Variants in TTC19 observed in about 807,000 individuals in gnomAD.
TTC19 encodes the protein tetratricopeptide repeat domain 19.
TTC19 carries 38 observed loss-of-function variants against 49.5 expected under a neutral mutation model. The ratio of observed to expected loss-of-function variants is 0.77; its 90% CI spans 0.59 to 1.01. TTC19 has a LOEUF of 1.01. Ranked by LOEUF, TTC19 falls within the 50% of genes least tolerant of loss-of-function variation. The pLI is 0.00. For missense variants in TTC19, 475 were observed against 477.7 expected, an observed-to-expected ratio of 0.99 and a Z score of 0.05; for synonymous variants, 204 against 185.2, an observed-to-expected ratio of 1.10 and a Z score of -0.83.
At chr17:16,032,922 TCTG>T (rs1239152012), downstream of TTC19, among the ~76,000 whole-genome samples, 1 of 152,188 alleles carries the variant, frequency 6.6e-6, no homozygotes. Context: ...ATGCAAGTCA[TCTG>T]CTGAATCTCA....
In TTC19 at chr17:15,999,907, G is replaced by A; in HGVS notation, c.59G>A (p.Arg20Gln). ...GRGFLRAAGR[R>Q]CRGCSARLLP... ...GGCTTCCTGCGGGCCGCGGGGCGGC[G>A]GTGCCGGGGCTGCTCCGCGCGCCTG... The change falls in exon 1 of 10, where the codon CGG becomes CAG. Residue 20 changes from arginine to glutamine, a missense_variant. Physicochemically the swap from Arg to Gln is conservative, Grantham distance 43. Transcript: ENST00000261647. 1 of 1,394,840 alleles carries A rather than the reference G, an allele frequency of 7.2e-7. No individual in the cohort carries two copies. Among genetic ancestry groups the A allele is most frequent in the Non-Finnish European group, 9.2e-7 (1 of 1,083,944 alleles). 86.4% of individuals were successfully genotyped at this position (1,394,840 alleles called of 1,614,324 possible). A position where few individuals can be genotyped will look rare whatever the true frequency, so the allele number is the denominator to read the frequency against.
intron 2 of TTC19, among the ~76,000 whole-genome samples, chr17:16,038,467 C>T (rs1267938275): frequency 2.0e-5 from 3 of 151,194 alleles, no homozygotes; most frequent in Admixed American, 6.6e-5. Context: ...GACAGGGTCT[C>T]ACTTTGTCAC....
At chr17:16,004,598 G>A (rs1434309753) in intron 6 of TTC19, among the ~76,000 whole-genome samples, 1 of 152,118 alleles carries the variant, frequency 6.6e-6, no homozygotes, top group Non-Finnish European at 1.5e-5. Flanking sequence ...AGCTGCTGGG[G>A]ATAATATATT....
intron 7 of TTC19, among the ~76,000 whole-genome samples, chr17:16,011,548 C>G (rs1165513609): frequency 6.6e-6 from 1 of 152,140 alleles, no homozygotes; most frequent in Non-Finnish European, 1.5e-5. Flanking sequence ...TGCCTGTGTT[C>G]AGTTCAGAAT....
intron 7 of TTC19, among the ~76,000 whole-genome samples, chr17:16,007,564 T>C (rs959397557): frequency 6.6e-6 from 1 of 152,208 alleles, no homozygotes; most frequent in African/African-American, 2.4e-5. Context: ...TCTCACACTT[T>C]GGGGCCATTA....
chr17:16,006,767 GT>G (rs1049360134), intron 7 of TTC19, among the ~76,000 whole-genome samples, 199 bp downstream of exon 7: 109 of 148,094 alleles, frequency 7.4e-4, no homozygotes, highest in African/African-American at 2.0e-3. Flanking sequence ...TTTGGTGGTG[GT>G]TTTTTTTTTA....
intron 7 of TTC19, among the ~76,000 whole-genome samples, chr17:16,018,378 C>G (rs1385506650): frequency 6.6e-6 from 1 of 152,180 alleles, no homozygotes; most frequent in Non-Finnish European, 1.5e-5. Flanking sequence ...ATGTTGACCT[C>G]TCTTCTCTAT....
At chr17:16,033,873 T>C (rs1973205722), downstream of TTC19, among the ~76,000 whole-genome samples, 1 of 152,108 alleles carries the variant, frequency 6.6e-6, no homozygotes, top group Admixed American at 6.6e-5. Context: ...TGGCGCAATC[T>C]CAGCTCACTG....
intron 7 of TTC19, among the ~76,000 whole-genome samples, chr17:16,011,728 T>G (rs1934708243): frequency 6.6e-6 from 1 of 152,250 alleles, no homozygotes; most frequent in African/African-American, 2.4e-5. Flanking sequence ...GTTTGGCTAT[T>G]TATGTACTTT....
At chr17:16,004,549 T>C (rs545406020) in intron 6 of TTC19, among the ~76,000 whole-genome samples, 3 of 152,318 alleles carry the variant, frequency 2.0e-5, no homozygotes, top group South Asian at 4.1e-4. Context: ...GTTAGAACTT[T>C]AGTTTAACTT....
intron 8 of TTC19, among the ~76,000 whole-genome samples, chr17:16,026,125 C>T (rs1169732989): frequency 6.8e-6 from 1 of 146,236 alleles, no homozygotes; most frequent in Admixed American, 7.0e-5. Context: ...TTTTGATGAG[C>T]CTCAGGGTTA....
At chr17:16,041,823 G>A (rs920362212) in intron 2 of TTC19, among the ~76,000 whole-genome samples, 1 of 151,970 alleles carries the variant, frequency 6.6e-6, no homozygotes, top group Non-Finnish European at 1.5e-5. Context: ...TGCAAGCTCT[G>A]CCTCCCAGGT....
At chr17:16,040,559 C>CA in intron 2 of TTC19, 1 of 1,296,480 alleles carries the variant, frequency 7.7e-7, no homozygotes, top group Non-Finnish European at 1.1e-6. Flanking sequence ...ACTAAAGTCT[C>CA]AAAAAATTCC....
rs910015274 is a variant in TTC19, at chr17:16,002,814, C to T, written c.445C>T (p.Arg149Trp). ...TCAGATGGCCAACTTAGCATTTATA[C>T]GGGGTCAGCTTGAAAATGTAAGTAA... is the stretch of plus-strand genomic sequence containing the variant. Reference protein sequence around the residue: ...YDLMANLAFIRGQLENAEQLF... With the variant: ...YDLMANLAFIWGQLENAEQLF... Residue 149 changes from arginine to tryptophan, a missense_variant, in exon 4 of 10, where the codon CGG becomes TGG. Coordinates refer to ENST00000261647, the MANE Select transcript of TTC19 (RefSeq NM_017775.4). 8 of 1,613,750 alleles carry T rather than the reference C, an allele frequency of 5.0e-6. No individual in the cohort carries two copies. The highest frequency in any genetic ancestry group is 3.3e-5 in the South Asian group (3 of 91,078).
At chr17:16,007,196 G>A (rs1437570919) in intron 7 of TTC19, among the ~76,000 whole-genome samples, 1 of 152,134 alleles carries the variant, frequency 6.6e-6, no homozygotes, top group Non-Finnish European at 1.5e-5. Context: ...TGAACATAGA[G>A]TAGTCCCCCG....
intron 2 of TTC19, among the ~76,000 whole-genome samples, chr17:16,041,986 G>A (rs1050538797): frequency 5.9e-5 from 9 of 151,580 alleles, no homozygotes; most frequent in South Asian, 2.1e-4. Flanking sequence ...TGCCCGCCTC[G>A]GCCTCCCAAA....
chr17:16,008,068 T>G (rs1340887065), intron 7 of TTC19, among the ~76,000 whole-genome samples: 1 of 152,212 alleles, frequency 6.6e-6, no homozygotes, highest in Non-Finnish European at 1.5e-5. Flanking sequence ...GTGAGGTGAA[T>G]AGACTTCCCT....
intron 2 of TTC19, among the ~76,000 whole-genome samples, chr17:16,035,600 A>G (rs1032536403): frequency 3.3e-5 from 5 of 150,236 alleles, no homozygotes; most frequent in African/African-American, 1.2e-4. Flanking sequence ...CAGTGGCACA[A>G]TCACGGCTTA....
At chr17:16,004,395 C>G in intron 6 of TTC19, 133 bp downstream of exon 6, 1 of 866,338 alleles carries the variant, frequency 1.2e-6, no homozygotes, top group Non-Finnish European at 2.0e-6. Flanking sequence ...TTCCATCCCT[C>G]ATCTTTGAAA....
Sources: gnomAD v4.1 joint callset for allele counts (sites outside exome capture counted in the v4.1 genomes callset) on GRCh38, gnomAD v4.1.1 for gene constraint, MANE v1.5 for transcripts, NCBI Gene and HGNC (gene_info 2026-07-23, HGNC 2026-07-21) for gene names.